Variants in C4BPA observed in about 807,000 individuals in gnomAD.
C4BPA encodes the protein complement component 4 binding protein alpha.
In C4BPA, 31 loss-of-function variants were observed where a neutral mutation model predicts 63.7. The ratio of observed to expected loss-of-function variants is 0.49; its 90% CI spans 0.37 to 0.66. The LOEUF (loss-of-function observed/expected upper bound fraction) is 0.66, where lower values mean the gene tolerates loss of function less well. Ranked by LOEUF, C4BPA falls within the 30% of genes least tolerant of loss-of-function variation. The pLI is 0.00. For missense variants in C4BPA, 572 were observed against 723.3 expected, an observed-to-expected ratio of 0.79 and a Z score of 2.40; for synonymous variants, 259 against 254.7, an observed-to-expected ratio of 1.02 and a Z score of -0.16.
chr1:207,106,161 C>G lies in C4BPA; in HGVS notation c.-26+1731C>G, dbSNP rs571484739. Among the ~76,000 whole-genome samples the G allele has an allele frequency of 3.3e-5, 5 of 152,294 alleles. No homozygotes were observed. In the South Asian group the frequency reaches 1.0e-3, roughly 32 times the overall value. On this transcript the variant is annotated intron_variant, in intron 1 of 11. Transcript: ENST00000367070. ...GCAAGTTCTAGCCTCCATTCCCATA[C>G]TCTGTGGCCAGCTGGTTTCTGCTGA...
intron 9 of C4BPA, among the ~76,000 whole-genome samples, chr1:207,140,154 T>C (rs1039150127): frequency 2.0e-5 from 3 of 152,178 alleles, no homozygotes; most frequent in Admixed American, 1.3e-4. Context: ...CAGTGAACCT[T>C]TTTCATTAAT....
Position 207,144,421 on chromosome 1 carries a change from C to G in C4BPA, c.1621-123C>G, listed in dbSNP as rs1685487658. ...CCCAAGTGATTTCTTGTTTTCCCAGCCTCAACCACCAGTCTGAGGTTGGTC... is the reference window on the plus strand; with the variant it reads ...CCCAAGTGATTTCTTGTTTTCCCAGGCTCAACCACCAGTCTGAGGTTGGTC... On this transcript the variant is annotated intron_variant, in intron 11 of 11. Transcript: ENST00000367070. 4 of 744,224 alleles carry G rather than the reference C, an allele frequency of 5.4e-6. No individual in the cohort carries two copies. In the African/African-American group the frequency reaches 5.4e-5, roughly 10 times the overall value. 46.1% of individuals were successfully genotyped at this position (744,224 alleles called of 1,614,324 possible).
intron 9 of C4BPA, among the ~76,000 whole-genome samples, chr1:207,139,318 T>C (rs1266556624): frequency 6.6e-6 from 1 of 152,224 alleles, no homozygotes; most frequent in East Asian, 1.9e-4. Flanking sequence ...ATTTTTGTAG[T>C]AGACAGATAA....
At chr1:207,117,294 T>TA (rs1684818414) in intron 4 of C4BPA, among the ~76,000 whole-genome samples, 1 of 151,842 alleles carries the variant, frequency 6.6e-6, no homozygotes, top group South Asian at 2.1e-4. Context: ...TACAAGAAAT[T>TA]AAAAACATTA....
intron 9 of C4BPA, among the ~76,000 whole-genome samples, chr1:207,135,140 T>C (rs952844853): frequency 6.1e-4 from 93 of 152,144 alleles, no homozygotes; most frequent in African/African-American, 2.1e-3. Flanking sequence ...AGTTCAAGAC[T>C]AGCCTGGCCA....
chr1:207,141,250 G>T lies in C4BPA; in HGVS notation c.1418G>T (p.Trp473Leu), dbSNP rs1801341. 15 of 1,613,366 alleles carry T rather than the reference G, an allele frequency of 9.3e-6. No homozygotes were observed. In the South Asian group the frequency reaches 1.3e-4, roughly 14 times the overall value. ...QAKLSCSYSH[W>L]SAPAPQCKAL... ...AAACTCTCCTGCAGTTATTCACACT[G>T]GTCAGCTCCAGCCCCTCAATGTAAA... Residue 473 changes from tryptophan to leucine, a missense_variant, in exon 10 of 12, where the codon TGG becomes TTG. Transcript: ENST00000367070.
At chr1:207,114,665 T>C (rs562414444) in intron 3 of C4BPA, 10 of 229,452 alleles carry the variant, frequency 4.4e-5, no homozygotes, top group Non-Finnish European at 7.7e-5. Context: ...GGTTAATTTT[T>C]CTGTTTTAAG....
chr1:207,111,152 G>C (rs1244818877), intron 1 of C4BPA, among the ~76,000 whole-genome samples: 1 of 152,218 alleles, frequency 6.6e-6, no homozygotes, highest in African/African-American at 2.4e-5. Context: ...GCTCTCAGCT[G>C]TCTCCAGCTT....
intron 4 of C4BPA, among the ~76,000 whole-genome samples, chr1:207,117,838 T>A (rs77414073): frequency 0.015 from 2,334 of 152,218 alleles, 28 homozygotes; most frequent in Non-Finnish European, 0.024. Context: ...GAGGTCAGAG[T>A]GCCCTTCCTG....
rs533076287 is a variant in C4BPA, at chr1:207,104,294, C to T, written c.-162C>T. 3.9e-5 allele frequency: 6 copies of T among 152,310 alleles called. No homozygotes were observed. In the East Asian group the frequency reaches 1.2e-3, roughly 29 times the overall value. The allele number at this position is 152,310 out of a possible 1,614,324, so 9.4% of individuals were successfully genotyped here. Reference sequence around the variant, plus strand: ...CAGGGACTCTTTGGTGGAGCAATTACCAGTCAACTTCAGGGTATTATGATA... The same window carrying T: ...CAGGGACTCTTTGGTGGAGCAATTATCAGTCAACTTCAGGGTATTATGATA... On this transcript the variant is annotated 5_prime_UTR_variant, in exon 1 of 12. Transcript: ENST00000367070.
chr1:207,107,757 A>G (rs1308139223), intron 1 of C4BPA, among the ~76,000 whole-genome samples: 1 of 152,204 alleles, frequency 6.6e-6, no homozygotes, highest in Non-Finnish European at 1.5e-5. Context: ...TGGCTTATAA[A>G]TGTTTGAAGG....
chr1:207,131,812 A>T, intron 8 of C4BPA, 72 bp downstream of exon 8: 1 of 1,021,862 alleles, frequency 9.8e-7, no homozygotes, highest in East Asian at 2.6e-5. Context: ...ACCTTAAATG[A>T]ATATAATTTT....
chr1:207,114,134 T>C lies in C4BPA; in HGVS notation c.177T>C (p.Ala59=). The part of the protein sequence containing the change: ...NCGPPPTLSF[A]APMDITLTET... ...GTCCTCCACCCACTTTATCATTTGC[T>C]GCCCCGATGGATATTACGTTGACTG... is the stretch of plus-strand genomic sequence containing the variant. Residue 59 remains alanine (A), a synonymous_variant, in exon 3 of 12, where the codon GCT becomes GCC. Transcript: ENST00000367070. 3 of 1,613,394 alleles carry C rather than the reference T, an allele frequency of 1.9e-6. No homozygotes were observed. The highest frequency in any genetic ancestry group is 2.5e-6 in the Non-Finnish European group (3 of 1,179,622).
chr1:207,140,167 C>T (rs1171526431), intron 9 of C4BPA, among the ~76,000 whole-genome samples: 1 of 152,170 alleles, frequency 6.6e-6, no homozygotes, highest in Non-Finnish European at 1.5e-5. Context: ...TCATTAATGA[C>T]CTTTTTTGTC....
At chr1:207,143,476 A>C (rs1425963268) in intron 10 of C4BPA, among the ~76,000 whole-genome samples, 1 of 152,202 alleles carries the variant, frequency 6.6e-6, no homozygotes, top group African/African-American at 2.4e-5. Flanking sequence ...CCAGAACTTA[A>C]AGTATAATAA....
rs771242032 is a variant in C4BPA, at chr1:207,143,903, A to G, written c.1530A>G (p.Gln510=). 1.4e-5 allele frequency: 22 copies of G among 1,612,630 alleles called. No homozygotes were observed. The highest frequency in any genetic ancestry group is 1.7e-5 in the Admixed American group (1 of 59,904). Residue 510 remains glutamine, a synonymous_variant, in exon 11 of 12, where the codon CAA becomes CAG. Coordinates refer to ENST00000367070, the MANE Select transcript of C4BPA (RefSeq NM_000715.4). ...TTGAGCCTGAAAATGTCACCATCCA[A>G]TGTGATTCTGGCTATGGTGTGGTTG... The part of the protein sequence containing the change: ...QYVEPENVTI[Q]CDSGYGVVGP...
At position 207,134,460 on chromosome 1, in the gene C4BPA, AGTC is replaced by A. The variant is rs1343189157; in HGVS notation, c.1145_1147del (p.Arg382del). On this transcript the variant is annotated inframe_deletion, in exon 9 of 12. Coordinates refer to ENST00000367070, the MANE Select transcript of C4BPA (RefSeq NM_000715.4). ...TGGTGAAATCACTCAACACAGGAAA[AGTC>A]GTCCTGCCAATCACTGTGTTTATTT... 3.7e-6 allele frequency: 6 copies of A among 1,613,742 alleles called. No homozygotes were observed. The African/African-American group carries it at 6.7e-5, about 18-fold the overall frequency.
Position 207,114,428 on chromosome 1 carries a change from G to T in C4BPA, c.328+143G>T, listed in dbSNP as rs915191799. ...AATGTACATACTTGTGGCATTTTTT[G>T]AAAAAGCAAAACAGAAAAATTAGGG... On this transcript the variant is annotated intron_variant, in intron 3 of 11. Transcript: ENST00000367070. The T allele has an allele frequency of 2.3e-5, 8 of 351,552 alleles. No homozygotes were observed. In the South Asian group the frequency reaches 4.0e-4, roughly 18 times the overall value. 21.8% of individuals were successfully genotyped at this position (351,552 alleles called of 1,614,324 possible). A position where few individuals can be genotyped will look rare whatever the true frequency, so the allele number is the denominator to read the frequency against.
chr1:207,127,701 G>A (rs1215973688), intron 7 of C4BPA, among the ~76,000 whole-genome samples: 1 of 152,192 alleles, frequency 6.6e-6, no homozygotes, highest in East Asian at 1.9e-4. Flanking sequence ...ACCATTCAAA[G>A]TCTCTGGAGA....
Sources: gnomAD v4.1 joint callset for allele counts (sites outside exome capture counted in the v4.1 genomes callset) on GRCh38, gnomAD v4.1.1 for gene constraint, MANE v1.5 for transcripts, NCBI Gene and HGNC (gene_info 2026-07-23, HGNC 2026-07-21) for gene names.